The following PCDHA4 variants were observed in gnomAD, a reference collection of about 807,000 sequenced individuals.
PCDHA4 encodes protocadherin alpha 4.
PCDHA4 carries 49 observed loss-of-function variants against 61.4 expected under a neutral mutation model. The ratio of observed to expected loss-of-function variants is 0.80; its 90% CI spans 0.63 to 1.01. The LOEUF (loss-of-function observed/expected upper bound fraction) is 1.01, where lower values mean the gene tolerates loss of function less well. Ranked by LOEUF, PCDHA4 falls within the 50% of genes least tolerant of loss-of-function variation. The probability of loss-of-function intolerance (pLI) is 0.00; values close to 1 mark genes in which losing one functional copy is unlikely to be tolerated. For missense variants in PCDHA4, 1,254 were observed against 1,235.8 expected (o/e 1.01, Z -0.22); for synonymous variants, 590 against 550.3 (o/e 1.07, Z -1.01).
chr5:140,825,591 T>A (rs1280614684), intron 1 of PCDHA4: 1 of 151,790 alleles, frequency 6.6e-6, no homozygotes, highest in African/African-American at 2.4e-5. Context: ...CCTGGCTAAT[T>A]TTTTGTATTT....
intron 1 of PCDHA4, chr5:140,830,319 G>A: frequency 6.2e-7 from 1 of 1,614,036 alleles, no homozygotes; most frequent in Non-Finnish European, 8.5e-7. Context: ...GTGTGCTCCA[G>A]CGCAGTGGGG....
intron 1 of PCDHA4, chr5:140,810,453 T>C (rs934415076): frequency 6.6e-5 from 10 of 152,372 alleles, no homozygotes; most frequent in Admixed American, 1.3e-4. Flanking sequence ...TTCCTAGTAG[T>C]GCATAAGGCT....
Position 140,809,069 on chromosome 5 carries a change from A to T in PCDHA4, c.1882A>T (p.Thr628Ser). The part of the protein sequence containing the change: ...ARIPFRVGLY[T>S]GEISTTRALD... ...CATCCCGTTCCGCGTGGGGCTGTAC[A>T]CTGGCGAGATCAGCACAACGCGTGC... is the stretch of plus-strand genomic sequence containing the variant. The change falls in exon 1 of 4, where the codon ACT becomes TCT. Residue 628 changes from threonine to serine, a missense_variant. Physicochemically the swap from Thr to Ser is moderately conservative, Grantham distance 58. Coordinates refer to ENST00000530339, the MANE Select transcript of PCDHA4 (RefSeq NM_018907.4). The T allele has an allele frequency of 6.2e-7, 1 of 1,613,898 alleles. No individual in the cohort carries two copies.
At chr5:140,992,514 G>A (rs1256283066) in intron 3 of PCDHA4, among the ~76,000 whole-genome samples, 1 of 152,176 alleles carries the variant, frequency 6.6e-6, no homozygotes, top group Non-Finnish European at 1.5e-5. Flanking sequence ...CTGGGGCATG[G>A]TAGCTAATGG....
intron 1 of PCDHA4, among the ~76,000 whole-genome samples, chr5:140,897,559 G>A (rs1554187454): frequency 6.6e-6 from 1 of 152,026 alleles, no homozygotes; most frequent in African/African-American, 2.4e-5. Context: ...TGGTGTATAT[G>A]TGCCACATTT....
At position 140,808,153 on chromosome 5, in the gene PCDHA4, C is replaced by G; in HGVS notation, c.966C>G (p.Gly322=). 1 of 1,614,034 alleles carries G rather than the reference C, an allele frequency of 6.2e-7. No homozygotes were observed. The highest frequency in any genetic ancestry group is 8.5e-7 in the Non-Finnish European group (1 of 1,179,902). Residue 322 remains glycine, a synonymous_variant, in exon 1 of 4, where the codon GGC becomes GGG. Transcript: ENST00000530339. ...ESKSYEIIVE[G]IDKGQLPLSG... ...AATCCTATGAAATTATTGTAGAGGG[C>G]ATTGATAAGGGACAGCTCCCACTTT...
At chr5:140,810,567 AT>A (rs1764684632) in intron 1 of PCDHA4, 1 of 152,250 alleles carries the variant, frequency 6.6e-6, no homozygotes, top group Admixed American at 6.5e-5. Flanking sequence ...TTATATTTAA[AT>A]GAAGTTGAGT....
intron 1 of PCDHA4, chr5:140,871,068 G>GC (rs782196824): frequency 1.2e-6 from 2 of 1,613,112 alleles, no homozygotes; most frequent in African/African-American, 2.7e-5. Flanking sequence ...ATCACGGTGA[G>GC]CCGGCGCTGA....
chr5:140,958,385 A>C (rs2095421525), intron 1 of PCDHA4, among the ~76,000 whole-genome samples: 1 of 152,206 alleles, frequency 6.6e-6, no homozygotes, highest in African/African-American at 2.4e-5. Flanking sequence ...TTTTCTTAAC[A>C]GGTCATCAAA....
intron 1 of PCDHA4, chr5:140,816,260 C>T (rs1270390991): frequency 6.6e-6 from 1 of 152,136 alleles, no homozygotes; most frequent in African/African-American, 2.4e-5. Flanking sequence ...AGTTCACTGA[C>T]TCATTCTTCT....
At chr5:140,923,287 A>G (rs1554201330) in intron 1 of PCDHA4, among the ~76,000 whole-genome samples, 1 of 152,224 alleles carries the variant, frequency 6.6e-6, no homozygotes, top group Non-Finnish European at 1.5e-5. Context: ...AAAAATTAAA[A>G]ATTAGCTGGG....
intron 1 of PCDHA4, among the ~76,000 whole-genome samples, chr5:140,886,827 G>GAAAAA (rs782016620): frequency 6.6e-5 from 4 of 60,918 alleles, no homozygotes; most frequent in African/African-American, 6.0e-5. Flanking sequence ...ACTTCGTCTT[G>GAAAAA]AAAAAAAAAA....
intron 1 of PCDHA4, among the ~76,000 whole-genome samples, chr5:140,906,069 T>C (rs2072342341): frequency 6.6e-6 from 1 of 152,204 alleles, no homozygotes; most frequent in African/African-American, 2.4e-5. Flanking sequence ...GCTGATTAGA[T>C]CGCACCCACC....
Position 140,884,123 on chromosome 5 carries a change from C to T in PCDHA4, c.2385+74551C>T, listed in dbSNP as rs1360744073. 2.5e-6 allele frequency: 4 copies of T among 1,613,230 alleles called. No homozygotes were observed. The African/African-American group carries it at 4.0e-5, about 16-fold the overall frequency. ...ATTGCAGCTGGCGGCGGTCGGCGCGCGCATCCCGTTCCGCGTGGGGCTGTA... is the reference window on the plus strand; with the variant it reads ...ATTGCAGCTGGCGGCGGTCGGCGCGTGCATCCCGTTCCGCGTGGGGCTGTA... On this transcript the variant is annotated intron_variant, in intron 1 of 3. Coordinates refer to ENST00000530339, the MANE Select transcript of PCDHA4 (RefSeq NM_018907.4).
At chr5:140,891,317 C>A (rs2063039508) in intron 1 of PCDHA4, among the ~76,000 whole-genome samples, 1 of 151,808 alleles carries the variant, frequency 6.6e-6, no homozygotes, top group South Asian at 2.1e-4. Context: ...TGAGTAAGTT[C>A]TTTGGTGGTG....
intron 1 of PCDHA4, chr5:140,877,053 G>A: frequency 1.9e-6 from 3 of 1,612,784 alleles, no homozygotes; most frequent in African/African-American, 1.3e-5. Context: ...ACCACGAGGA[G>A]CTGGAGCTGC....
At position 140,808,973 on chromosome 5, in the gene PCDHA4, G is replaced by C. The variant is rs782400718; in HGVS notation, c.1786G>C (p.Ala596Pro). ...GVGHVVAKVR[A>P]VDADSGYNAW... is the part of the protein sequence containing the mutation. The stretch of plus-strand genomic sequence containing the variant: ...GGGCCACGTGGTGGCAAAGGTGCGC[G>C]CGGTGGATGCTGACTCGGGCTACAA... The change falls in exon 1 of 4, where the codon GCG (alanine) becomes CCG (proline). Residue 596 changes from alanine (A) to proline (P), a missense_variant. By Grantham distance (27) the Ala-to-Pro change is conservative (BLOSUM62 -1). Coordinates refer to ENST00000530339, the MANE Select transcript of PCDHA4 (RefSeq NM_018907.4). 1.9e-6 allele frequency: 3 copies of C among 1,613,674 alleles called. No individual in the cohort carries two copies. The highest frequency in any genetic ancestry group is 2.2e-5 in the East Asian group (1 of 44,872).
intron 1 of PCDHA4, chr5:140,882,984 C>T (rs2059393576): frequency 2.5e-6 from 4 of 1,614,178 alleles, no homozygotes; most frequent in Non-Finnish European, 2.5e-6. Flanking sequence ...AATGACAACG[C>T]CCCGGAATTT....
chr5:140,857,681 G>A (rs2044790199), intron 1 of PCDHA4: 5 of 1,596,954 alleles, frequency 3.1e-6, no homozygotes, highest in East Asian at 4.5e-5. Context: ...GCCGCCTCTG[G>A]GCAGCAACTT....
Sources: allele counts gnomAD v4.1 joint callset (sites outside exome capture counted in the v4.1 genomes callset), GRCh38; gene constraint gnomAD v4.1.1; transcripts MANE v1.5; gene names NCBI Gene and HGNC (gene_info 2026-07-23, HGNC 2026-07-21).